The following LARS2 variants were observed in gnomAD, a reference collection of about 807,000 sequenced individuals.
LARS2 encodes leucyl-tRNA synthetase 2, mitochondrial.
LARS2 carries 81 observed loss-of-function variants against 116.6 expected under a neutral mutation model. The ratio of observed to expected loss-of-function variants is 0.69; its 90% CI spans 0.58 to 0.84. The LOEUF (loss-of-function observed/expected upper bound fraction) is 0.84. Among genes scored for constraint, LARS2 ranks in the 40% least tolerant of loss-of-function variants. The pLI is 0.00. For missense variants in LARS2, 968 were observed against 1,114.5 expected (o/e 0.87, Z 1.87); for synonymous variants, 396 against 407.2 (o/e 0.97, Z 0.33).
Position 45,474,332 on chromosome 3 carries a change from C to T in LARS2, c.840C>T (p.His280=), listed in dbSNP as rs773597324. ...GGATTGGGGACTGTGTGGGCTGCCA[C>T]CTGGACTTCACATTAAAGGTGATTA... ...AHWIGDCVGC[H]LDFTLKVHGQ... is the part of the protein sequence containing the mutation. Residue 280 remains histidine, a synonymous_variant, in exon 9 of 22, where the codon CAC becomes CAT. Transcript: ENST00000645846. 3.1e-5 allele frequency: 50 copies of T among 1,606,454 alleles called. No homozygotes were observed. The highest frequency in any genetic ancestry group is 4.1e-5 in the Non-Finnish European group (48 of 1,173,900).
chr3:45,442,896 C>T (rs952440277), intron 6 of LARS2, among the ~76,000 whole-genome samples: 2 of 152,168 alleles, frequency 1.3e-5, no homozygotes, highest in African/African-American at 4.8e-5. Context: ...TCTGAACTCA[C>T]AGATCGGGGT....
At chr3:45,537,998 ACT>A (rs1700733859) in intron 20 of LARS2, among the ~76,000 whole-genome samples, 1 of 152,110 alleles carries the variant, frequency 6.6e-6, no homozygotes, top group Non-Finnish European at 1.5e-5. Flanking sequence ...CTGTGTTTAG[ACT>A]GTGTGTCCTG....
intron 10 of LARS2, among the ~76,000 whole-genome samples, chr3:45,478,467 G>A (rs1699649749): frequency 6.6e-6 from 1 of 152,206 alleles, no homozygotes; most frequent in African/African-American, 2.4e-5. Flanking sequence ...TTCCTGAGAT[G>A]AAAGGCACTG....
At chr3:45,541,623 C>A (rs1700797353) in intron 20 of LARS2, 2 of 573,540 alleles carry the variant, frequency 3.5e-6, no homozygotes, top group Non-Finnish European at 6.1e-6. Context: ...GCTCTGCGTG[C>A]CATTTGTGAA....
rs1175308459 is a variant in LARS2, at chr3:45,500,491, A to G, written c.1672A>G (p.Ile558Val). Residue 558 changes from isoleucine to valine, a missense_variant, in exon 15 of 22, where the codon ATT (isoleucine) becomes GTT (valine). Ile to Val is a conservative substitution (Grantham distance 29, BLOSUM62 3). Transcript: ENST00000645846. ...TTACTGGATGCCTGTGGATTTGTACATTGGAGGGAAAGAACATGCCGTCAT... is the reference window on the plus strand; with the variant it reads ...TTACTGGATGCCTGTGGATTTGTACGTTGGAGGGAAAGAACATGCCGTCAT... ...ADYWMPVDLY[I>V]GGKEHAVMHL... 6.2e-7 allele frequency: 1 copy of G among 1,603,798 alleles called. No homozygotes were observed. Among genetic ancestry groups the G allele is most frequent in the Non-Finnish European group, 8.5e-7 (1 of 1,176,676 alleles).
At chr3:45,418,491 A>G (rs1398962039) in intron 5 of LARS2, among the ~76,000 whole-genome samples, 2 of 152,210 alleles carry the variant, frequency 1.3e-5, no homozygotes, top group Non-Finnish European at 2.9e-5. Flanking sequence ...GATGATTCAA[A>G]TAAAGTGGAT....
chr3:45,438,856 G>GA (rs752720055), intron 6 of LARS2, among the ~76,000 whole-genome samples: 2 of 151,488 alleles, frequency 1.3e-5, no homozygotes, highest in African/African-American at 4.9e-5. Context: ...ACAAAACAAA[G>GA]AAAAAACGAT....
chr3:45,520,104 T>C, intron 18 of LARS2, 115 bp from the exon 19 acceptor site: 2 of 700,226 alleles, frequency 2.9e-6, no homozygotes, highest in Non-Finnish European at 2.5e-6. Context: ...GATATATTTA[T>C]AAATATCTTT....
intron 20 of LARS2, among the ~76,000 whole-genome samples, chr3:45,534,533 A>G (rs921978606): frequency 4.6e-5 from 7 of 152,216 alleles, no homozygotes; most frequent in African/African-American, 1.7e-4. Context: ...TCTTAGAAAG[A>G]TAACTCCAGA....
At chr3:45,429,052 A>G (rs919137100) in intron 6 of LARS2, among the ~76,000 whole-genome samples, 1 of 151,490 alleles carries the variant, frequency 6.6e-6, no homozygotes, top group African/African-American at 2.4e-5. Context: ...TCCAGTTTAT[A>G]TGGGAATTTC....
chr3:45,526,512 A>G (rs1314515430), intron 20 of LARS2, among the ~76,000 whole-genome samples: 1 of 152,172 alleles, frequency 6.6e-6, no homozygotes, highest in East Asian at 1.9e-4. Context: ...GTGCTTGATC[A>G]AAGTCAAGTC....
chr3:45,436,134 C>A (rs750894750), intron 6 of LARS2, among the ~76,000 whole-genome samples: 5 of 152,116 alleles, frequency 3.3e-5, no homozygotes, highest in African/African-American at 1.2e-4. Context: ...CAAAACGGCT[C>A]ATTTTGGGCA....
At chr3:45,429,536 C>T (rs188937835) in intron 6 of LARS2, among the ~76,000 whole-genome samples, 15 of 152,242 alleles carry the variant, frequency 9.9e-5, no homozygotes, top group Non-Finnish European at 1.8e-4. Context: ...CTTTTGCATA[C>T]CCATTTGATT....
At chr3:45,507,733 C>T (rs1207978512) in intron 15 of LARS2, among the ~76,000 whole-genome samples, 1 of 152,042 alleles carries the variant, frequency 6.6e-6, no homozygotes, top group African/African-American at 2.4e-5. Context: ...CATATATACA[C>T]ATACTCAAAG....
chr3:45,514,760 A>AT (rs1227441497), intron 16 of LARS2, among the ~76,000 whole-genome samples: 3 of 152,144 alleles, frequency 2.0e-5, no homozygotes, highest in Admixed American at 6.5e-5. Flanking sequence ...AGAAAGATAC[A>AT]TTTTTTCCTA....
chr3:45,533,577 T>A (rs931982580), intron 20 of LARS2, among the ~76,000 whole-genome samples: 106 of 152,212 alleles, frequency 7.0e-4, no homozygotes, highest in African/African-American at 2.5e-3. Flanking sequence ...TCATCTTCCT[T>A]CTTTGGCCCA....
chr3:45,463,115 A>G (rs1699361194), intron 8 of LARS2, among the ~76,000 whole-genome samples: 1 of 152,226 alleles, frequency 6.6e-6, no homozygotes, highest in Admixed American at 6.5e-5. Context: ...GGAGCCTTAT[A>G]TACAGCAAGC....
intron 6 of LARS2, among the ~76,000 whole-genome samples, chr3:45,420,239 C>G (rs1698493598): frequency 6.6e-6 from 1 of 152,192 alleles, no homozygotes; most frequent in Non-Finnish European, 1.5e-5. Context: ...ATTCCAGACC[C>G]ACGAGGAGTT....
chr3:45,412,270 A>G (rs1001078157), intron 4 of LARS2, among the ~76,000 whole-genome samples: 4 of 152,196 alleles, frequency 2.6e-5, no homozygotes, highest in Admixed American at 2.0e-4. Context: ...TCCCTACACT[A>G]GCTTCCACAA....
Sources: gnomAD v4.1 joint callset for allele counts (sites outside exome capture counted in the v4.1 genomes callset) on GRCh38, gnomAD v4.1.1 for gene constraint, MANE v1.5 for transcripts, NCBI Gene and HGNC (gene_info 2026-07-23, HGNC 2026-07-21) for gene names.